Variants in STAG1 observed in about 807,000 individuals in gnomAD.
STAG1 encodes the protein STAG1 cohesin complex component, also known as cohesin subunit SA-1.
Under a neutral mutation model 170.9 loss-of-function variants are expected in STAG1, and 26 were observed. The observed-to-expected ratio is 0.15, with a 90% CI of 0.11 to 0.21. The LOEUF is 0.21. Ranked by LOEUF, STAG1 falls within the 10% of genes least tolerant of loss-of-function variation. The pLI, the probability that STAG1 is intolerant of heterozygous loss-of-function variation, is 1.00. For synonymous variants in STAG1, 514 were observed against 497.7 expected (o/e 1.03, Z -0.44); for missense variants, 964 against 1,509.5 (o/e 0.64, Z 5.99).
At chr3:136,636,120 C>T (rs1053917951) in intron 1 of STAG1, among the ~76,000 whole-genome samples, 9 of 151,848 alleles carry the variant, frequency 5.9e-5, no homozygotes, top group East Asian at 1.9e-4. Context: ...TGGTGGTACG[C>T]GCCTGTAATC....
intron 16 of STAG1, among the ~76,000 whole-genome samples, chr3:136,425,925 A>C (rs977488143): frequency 3.3e-4 from 50 of 151,630 alleles, no homozygotes; most frequent in Non-Finnish European, 7.2e-4. Context: ...GCAGAACAAT[A>C]ACCATTAGCA....
At chr3:136,636,005 T>C (rs1420087642) in intron 1 of STAG1, among the ~76,000 whole-genome samples, 1 of 152,060 alleles carries the variant, frequency 6.6e-6, no homozygotes, top group East Asian at 1.9e-4. Flanking sequence ...CCCAGCACTT[T>C]GGGAAGCTGA....
chr3:136,473,446 A>G, intron 11 of STAG1, 93 bp downstream of exon 11: 1 of 945,492 alleles, frequency 1.1e-6, no homozygotes, highest in Admixed American at 2.4e-5. Flanking sequence ...AATATGAACT[A>G]AACACTTGTA....
chr3:136,370,460 T>G (rs892952431), intron 23 of STAG1, among the ~76,000 whole-genome samples: 4 of 152,206 alleles, frequency 2.6e-5, no homozygotes, highest in Non-Finnish European at 4.4e-5. Flanking sequence ...GCTGCACCCA[T>G]TAACTCATCA....
intron 3 of STAG1, among the ~76,000 whole-genome samples, chr3:136,622,862 G>GT (rs1939928140): frequency 6.6e-6 from 1 of 152,174 alleles, no homozygotes; most frequent in African/African-American, 2.4e-5. Flanking sequence ...AAAGCAGCAA[G>GT]TCTTAACTAA....
At chr3:136,728,432 T>C (rs1449038227) in intron 1 of STAG1, among the ~76,000 whole-genome samples, 1 of 152,196 alleles carries the variant, frequency 6.6e-6, no homozygotes, top group Admixed American at 6.5e-5. Flanking sequence ...TGCCAGAGTC[T>C]GAATCCCAGA....
At position 136,373,725 on chromosome 3, in the gene STAG1, A is replaced by C. The variant is rs1372827205; in HGVS notation, c.2370+3935T>G. 2.0e-5 allele frequency among the ~76,000 whole-genome samples: 3 copies of C among 151,914 alleles called. No homozygotes were observed. In the East Asian group the frequency reaches 5.8e-4, roughly 29 times the overall value. ...TGTGGTCTGAGAGACAGTTTGTTAT[A>C]ATTTCTGTTCTTTTACATTTGCTGA... On this transcript the variant is annotated intron_variant, in intron 23 of 33. Coordinates refer to ENST00000383202, the MANE Select transcript of STAG1 (RefSeq NM_005862.3).
chr3:136,464,009 G>A (rs1013266353), intron 13 of STAG1, among the ~76,000 whole-genome samples: 1 of 150,588 alleles, frequency 6.6e-6, no homozygotes, highest in Admixed American at 6.6e-5. Context: ...CATCCTAAAT[G>A]TTTACATGCA....
chr3:136,690,837 T>C (rs1942696518), intron 1 of STAG1, among the ~76,000 whole-genome samples: 1 of 151,796 alleles, frequency 6.6e-6, no homozygotes. Context: ...GGAGATACCA[T>C]GATAATTTCT....
At chr3:136,360,256 T>C (rs1022416407) in intron 26 of STAG1, among the ~76,000 whole-genome samples, 2 of 152,214 alleles carry the variant, frequency 1.3e-5, no homozygotes, top group African/African-American at 2.4e-5. Context: ...TTCCCTCCTA[T>C]GTATTAGATA....
At chr3:136,442,876 A>T (rs1303817346) in intron 15 of STAG1, among the ~76,000 whole-genome samples, 1 of 152,138 alleles carries the variant, frequency 6.6e-6, no homozygotes, top group African/African-American at 2.4e-5. Context: ...AAATTTAAAA[A>T]TTAGCTGAGT....
chr3:136,388,407 T>C (rs1222381950), intron 22 of STAG1, among the ~76,000 whole-genome samples: 3 of 152,142 alleles, frequency 2.0e-5, no homozygotes, highest in Non-Finnish European at 4.4e-5. Context: ...CTCGCTCTGT[T>C]GCCCAGGCTG....
At chr3:136,740,175 G>A (rs1398331368) in intron 1 of STAG1, among the ~76,000 whole-genome samples, 5 of 151,972 alleles carry the variant, frequency 3.3e-5, no homozygotes, top group South Asian at 2.1e-4. Context: ...CGCTTGAGGC[G>A]GAGGTTTCAG....
At chr3:136,504,000 G>C (rs1313511459) in intron 7 of STAG1, among the ~76,000 whole-genome samples, 5 of 152,126 alleles carry the variant, frequency 3.3e-5, no homozygotes, top group African/African-American at 4.8e-5. Flanking sequence ...GCCTCCCAAA[G>C]TGCTGGGATT....
At chr3:136,679,624 G>A (rs1214114194) in intron 1 of STAG1, among the ~76,000 whole-genome samples, 1 of 152,072 alleles carries the variant, frequency 6.6e-6, no homozygotes, top group Non-Finnish European at 1.5e-5. Flanking sequence ...AGCTACTCGG[G>A]AGGCTGATGC....
chr3:136,726,047 C>A (rs1933644997), intron 1 of STAG1, among the ~76,000 whole-genome samples: 2 of 152,190 alleles, frequency 1.3e-5, no homozygotes, highest in Non-Finnish European at 2.9e-5. Flanking sequence ...TATCTGTCAC[C>A]TGTACACTGT....
chr3:136,550,949 A>C (rs188495635), intron 5 of STAG1, among the ~76,000 whole-genome samples: 1 of 152,146 alleles, frequency 6.6e-6, no homozygotes, highest in South Asian at 2.1e-4. Flanking sequence ...TATAAAATCA[A>C]GTCACTATCG....
rs114419922 is a variant in STAG1 at position 136,544,957 on chromosome 3, C to T, written c.395-2762G>A. ...TCTTCTTTTACAGAGTGGATTATAG[C>T]GCCTTAATAAATAAAATGTAATCTA... On this transcript the variant is annotated intron_variant, in intron 5 of 33. Coordinates refer to ENST00000383202, the MANE Select transcript of STAG1 (RefSeq NM_005862.3). Among the ~76,000 whole-genome samples, 998 of 152,154 alleles carry T rather than the reference C, an allele frequency of 6.6e-3. 10 individuals are homozygous for T. The highest frequency in any genetic ancestry group is 0.023 in the African/African-American group (961 of 41,508).
chr3:136,639,067 T>A (rs1375316618), intron 1 of STAG1, among the ~76,000 whole-genome samples: 1 of 149,868 alleles, frequency 6.7e-6, no homozygotes, highest in African/African-American at 2.5e-5. Context: ...GAGAGAATGC[T>A]CACACACACA....
Sources: allele counts gnomAD v4.1 joint callset (sites outside exome capture counted in the v4.1 genomes callset), GRCh38; gene constraint gnomAD v4.1.1; transcripts MANE v1.5; gene names NCBI Gene and HGNC (gene_info 2026-07-23, HGNC 2026-07-21).